The following RFNG variants were observed in gnomAD, a reference collection of about 807,000 sequenced individuals.
RFNG encodes the protein RFNG O-fucosylpeptide 3-beta-N-acetylglucosaminyltransferase, also known as beta-1,3-N-acetylglucosaminyltransferase radical fringe.
A neutral mutation model predicts 29.6 loss-of-function variants in RFNG; 37 were observed. That is an observed-to-expected ratio of 1.25 (90% CI 0.96 to 1.65). The LOEUF is 1.65. RFNG is among the 40% of genes most tolerant of loss of function. The probability of loss-of-function intolerance (pLI) is 0.00; values close to 1 mark genes in which losing one functional copy is unlikely to be tolerated. For synonymous variants in RFNG, 276 were observed against 197.3 expected (o/e 1.40, Z -3.34); for missense variants, 546 against 457.0 (o/e 1.19, Z -1.78).
rs775387401 is a variant in RFNG at position 82,049,910 on chromosome 17, C to T, written c.662+8G>A. The T allele has an allele frequency of 6.2e-7, 1 of 1,611,918 alleles. No individual in the cohort carries two copies. Among genetic ancestry groups the T allele is most frequent in the East Asian group, 2.2e-5 (1 of 44,840 alleles). On this transcript the variant is annotated splice_region_variant and intron_variant, in intron 5 of 7. Transcript: ENST00000310496. ...CCTCCCAGCCCGGGCAGCTGGACCC[C>T]CACTCACCTGGCCCATGGGCTCATC... is the stretch of plus-strand genomic sequence containing the variant.
Position 82,050,758 on chromosome 17 carries a change from C to T in RFNG, c.323G>A (p.Arg108His), listed in dbSNP as rs756341641. 50 of 1,612,666 alleles carry T rather than the reference C, an allele frequency of 3.1e-5. No individual in the cohort carries two copies. The highest frequency in any genetic ancestry group is 4.5e-5 in the East Asian group (2 of 44,888). The change falls in exon 3 of 8, where the codon CGT (arginine) becomes CAT (histidine). Residue 108 changes from arginine (R) to histidine (H), a missense_variant. Arg to His is a conservative substitution (Grantham distance 29, BLOSUM62 0). Transcript: ENST00000310496. ...CGCCGAGCAGTTGGTGTTGATGACACGGTCGCCTGCGAATCAGAGACGGGA... is the reference window on the plus strand; with the variant it reads ...CGCCGAGCAGTTGGTGTTGATGACATGGTCGCCTGCGAATCAGAGACGGGA... ...DPELELQGGD[R>H]VINTNCSAVR... is the part of the protein sequence containing the mutation.
Position 82,051,062 on chromosome 17 carries a change from A to G in RFNG, c.316+232T>C. The G allele has an allele frequency of 3.6e-6, 5 of 1,377,524 alleles. No homozygotes were observed. Among genetic ancestry groups the G allele is most frequent in the Non-Finnish European group, 4.7e-6 (5 of 1,071,152 alleles). 85.3% of individuals were successfully genotyped at this position (1,377,524 alleles called of 1,614,324 possible). ...CTGGCGCTTCTTCAGGGGACGTGGC[A>G]CTAGCCCCACGCCCCGGGAAGCGGC... On this transcript the variant is annotated intron_variant, in intron 2 of 7. Transcript: ENST00000310496. This position sits in a 1 kb window ranked among gnomAD's most constrained non-coding sequence, Gnocchi z 4.1.
At chr17:82,049,383 G>A (rs1301731567) in intron 6 of RFNG, 2 of 698,736 alleles carry the variant, frequency 2.9e-6, no homozygotes, top group Admixed American at 4.0e-5. Flanking sequence ...GATGGGACCT[G>A]TTCCGACTCA....
Position 82,051,327 on chromosome 17 carries a change from C to T in RFNG, c.283G>A (p.Asp95Asn), listed in dbSNP as rs1196198067. 9 of 1,449,536 alleles carry T rather than the reference C, an allele frequency of 6.2e-6. No individual in the cohort carries two copies. The highest frequency in any genetic ancestry group is 8.1e-6 in the Non-Finnish European group (9 of 1,106,904). 89.8% of individuals were successfully genotyped at this position (1,449,536 alleles called of 1,614,324 possible). ...RARQQTFIFT[D>N]GDDPELELQG... ...AGCTCGAGCTCAGGGTCGTCCCCGT[C>T]GGTGAAGATAAACGTCTGGGGGAGA... The change falls in exon 2 of 8, where the codon GAC becomes AAC. Residue 95 changes from aspartate (D) to asparagine (N), a missense_variant. Coordinates refer to ENST00000310496, the MANE Select transcript of RFNG (RefSeq NM_002917.2). The surrounding 1 kb of genome is among the most constrained non-coding windows in gnomAD (Gnocchi z 4.1).
rs2030502247 is a variant in RFNG, at chr17:82,051,199, GAA to G, written c.316+93_316+94del. 2 of 1,307,846 alleles carry G rather than the reference GAA, an allele frequency of 1.5e-6. No individual in the cohort carries two copies. The highest frequency in any genetic ancestry group is 3.1e-5 in the African/African-American group (2 of 64,826). 81.0% of individuals were successfully genotyped at this position (1,307,846 alleles called of 1,614,324 possible). A position where few individuals can be genotyped will look rare whatever the true frequency, so the allele number is the denominator to read the frequency against. On this transcript the variant is annotated intron_variant, in intron 2 of 7. Coordinates refer to ENST00000310496, the MANE Select transcript of RFNG (RefSeq NM_002917.2). The surrounding 1 kb of genome is among the most constrained non-coding windows in gnomAD (Gnocchi z 4.1). Reference sequence around the variant, plus strand: ...CCCGGGCCTCGGGAGCCTGGGCAGAGAAAGGCACCCACAGCAGCGAAGGGGCC... The same window carrying G: ...CCCGGGCCTCGGGAGCCTGGGCAGAGAGGCACCCACAGCAGCGAAGGGGCC...
intron 4 of RFNG, 166 bp downstream of exon 4, chr17:82,050,236 C>T (rs2030273048): frequency 1.2e-5 from 11 of 884,094 alleles, no homozygotes; most frequent in East Asian, 8.0e-5. Context: ...ACGGTGAGGG[C>T]CTCCTGGCCT....
In RFNG at chr17:82,050,678, T is replaced by G. The variant is rs764025962; in HGVS notation, c.403A>C (p.Ile135Leu). The G allele has an allele frequency of 6.2e-7, 1 of 1,613,226 alleles. No homozygotes were observed. The highest frequency in any genetic ancestry group is 1.7e-5 in the Admixed American group (1 of 60,024). ...CKMSVEYDKF[I>L]ESGRKWFCHV... ...GCCGCGTACTTGCGCCCGGACTCAATGAACTTGTCATACTCCACGGACATC... is the reference window on the plus strand; with the variant it reads ...GCCGCGTACTTGCGCCCGGACTCAAGGAACTTGTCATACTCCACGGACATC... The change falls in exon 3 of 8, where the codon ATT becomes CTT. Residue 135 changes from isoleucine (I) to leucine (L), a missense_variant. Coordinates refer to ENST00000310496, the MANE Select transcript of RFNG (RefSeq NM_002917.2).
Position 82,051,579 on chromosome 17 carries a change from G to T in RFNG, c.188C>A (p.Ala63Asp). Reference sequence around the variant, plus strand: ...GTGGTTCTTCCGGGTGGTCTTGACGGCGATGAAGACGTCGTCAGGCCGCAG... The same window carrying T: ...GTGGTTCTTCCGGGTGGTCTTGACGTCGATGAAGACGTCGTCAGGCCGCAG... ...PSLRPDDVFIAVKTTRKNHGP... is the reference protein window; with the variant it reads ...PSLRPDDVFIDVKTTRKNHGP... The change falls in exon 1 of 8, where the codon GCC becomes GAC. Residue 63 changes from alanine (A) to aspartate (D), a missense_variant. Physicochemically the swap from Ala to Asp is moderately radical, Grantham distance 126. Coordinates refer to ENST00000310496, the MANE Select transcript of RFNG (RefSeq NM_002917.2). This position sits in a 1 kb window ranked among gnomAD's most constrained non-coding sequence, Gnocchi z 4.1. 1 of 1,348,884 alleles carries T rather than the reference G, an allele frequency of 7.4e-7. No homozygotes were observed. The highest frequency in any genetic ancestry group is 1.7e-5 in the South Asian group (1 of 57,872). 83.6% of individuals were successfully genotyped at this position (1,348,884 alleles called of 1,614,324 possible). A position where few individuals can be genotyped will look rare whatever the true frequency, so the allele number is the denominator to read the frequency against.
intron 5 of RFNG, 23 bp from the exon 6 acceptor site, chr17:82,049,865 C>G: frequency 6.2e-7 from 1 of 1,611,324 alleles, no homozygotes. Context: ...CGGTCAGCAC[C>G]TTTCAGGTCT....
In RFNG at chr17:82,051,601, G is replaced by A. The variant is rs1251246898; in HGVS notation, c.166C>T (p.Arg56Trp). 38 of 1,282,966 alleles carry A rather than the reference G, an allele frequency of 3.0e-5. No homozygotes were observed. The African/African-American group carries it at 4.7e-4, about 16-fold the overall frequency. The allele number at this position is 1,282,966 out of a possible 1,614,324, so 79.5% of individuals were successfully genotyped here. ...ACGGCGATGAAGACGTCGTCAGGCCGCAGGCTGGGGGCAGCGGGCCGGGAC... is the reference window on the plus strand; with the variant it reads ...ACGGCGATGAAGACGTCGTCAGGCCACAGGCTGGGGGCAGCGGGCCGGGAC... ...PPSRPAAPSL[R>W]PDDVFIAVKT... Residue 56 changes from arginine to tryptophan, a missense_variant, in exon 1 of 8, where the codon CGG becomes TGG. Physicochemically the swap from Arg to Trp is moderately radical, Grantham distance 101. Transcript: ENST00000310496. This position sits in a 1 kb window ranked among gnomAD's most constrained non-coding sequence, Gnocchi z 4.1.
At position 82,051,557 on chromosome 17, in the gene RFNG, G is replaced by A. The variant is rs1174768339; in HGVS notation, c.210C>T (p.Asn70=). Residue 70 remains asparagine, a synonymous_variant, in exon 1 of 8, where the codon AAC becomes AAT. Coordinates refer to ENST00000310496, the MANE Select transcript of RFNG (RefSeq NM_002917.2). The surrounding 1 kb of genome is among the most constrained non-coding windows in gnomAD (Gnocchi z 4.1). ...VFIAVKTTRK[N]HGPRLRLLLR... ...GCAGCAGCCGCAGGCGCGGCCCGTG[G>A]TTCTTCCGGGTGGTCTTGACGGCGA... 1 of 1,395,226 alleles carries A rather than the reference G, an allele frequency of 7.2e-7. No homozygotes were observed. The highest frequency in any genetic ancestry group is 9.3e-7 in the Non-Finnish European group (1 of 1,070,262). The allele number at this position is 1,395,226 out of a possible 1,614,324, so 86.4% of individuals were successfully genotyped here.
chr17:82,048,903 G>T (rs868734611), intron 7 of RFNG, 96 bp from the exon 8 acceptor site: 7 of 1,425,922 alleles, frequency 4.9e-6, no homozygotes, highest in Middle Eastern at 1.9e-4. Context: ...CAGGGCCGTG[G>T]GTACAGGGAG....
Position 82,048,770 on chromosome 17 carries a change from C to T in RFNG, c.952G>A (p.Asp318Asn). The stretch of plus-strand genomic sequence containing the variant: ...CCCTGTTTCTGCCTGGGACACCAGT[C>T]CGTGTCTGGGTACAGAAGACAATGG... ...SIHCLLYPDT[D>N]WCPRQKQGAP... The change falls in exon 8 of 8, where the codon GAC (aspartate) becomes AAC (asparagine). Residue 318 changes from aspartate (D) to asparagine (N), a missense_variant. Asp to Asn is a conservative substitution (Grantham distance 23). Transcript: ENST00000310496. The T allele has an allele frequency of 6.2e-7, 1 of 1,613,268 alleles. No individual in the cohort carries two copies. Among genetic ancestry groups the T allele is most frequent in the Middle Eastern group, 1.6e-4 (1 of 6,062 alleles).
At position 82,049,688 on chromosome 17, in the gene RFNG, G is replaced by A; in HGVS notation, c.817C>T (p.Leu273=). Residue 273 remains leucine, a synonymous_variant, in exon 6 of 8, where the codon CTG becomes TTG. Transcript: ENST00000310496. ...ENLQRLPPDT[L]LQQVTLSHGG... ...AGTGGCGCCTGTACCTGCTGGAGCA[G>A]GGTGTCGGGCGGCAGCCTCTGCAGG... 6.8e-7 allele frequency: 1 copy of A among 1,472,350 alleles called. No homozygotes were observed. The highest frequency in any genetic ancestry group is 9.0e-7 in the Non-Finnish European group (1 of 1,111,578). The allele number at this position is 1,472,350 out of a possible 1,614,324, so 91.2% of individuals were successfully genotyped here.
Position 82,048,711 on chromosome 17 carries a change from T to A in RFNG, c.*15A>T. The A allele has an allele frequency of 6.2e-7, 1 of 1,608,628 alleles. No individual in the cohort carries two copies. Among genetic ancestry groups the A allele is most frequent in the Non-Finnish European group, 8.5e-7 (1 of 1,177,140 alleles). Reference sequence around the variant, plus strand: ...TGGGACAGAGCCAGGCAGCCCTGGGTCGGGGTGGTTGGTGTCACCGAGAGG... The same window carrying A: ...TGGGACAGAGCCAGGCAGCCCTGGGACGGGGTGGTTGGTGTCACCGAGAGG... On this transcript the variant is annotated 3_prime_UTR_variant, in exon 8 of 8. Coordinates refer to ENST00000310496, the MANE Select transcript of RFNG (RefSeq NM_002917.2).
Position 82,051,178 on chromosome 17 carries a change from G to A in RFNG, c.316+116C>T. ...CCTGGGCAGCGTCGGGGCCTCCCCG[G>A]GCCTCGGGAGCCTGGGCAGAGAAAG... On this transcript the variant is annotated intron_variant, in intron 2 of 7. Transcript: ENST00000310496. This position sits in a 1 kb window ranked among gnomAD's most constrained non-coding sequence, Gnocchi z 4.1. 4.6e-6 allele frequency: 6 copies of A among 1,305,576 alleles called. No homozygotes were observed. Among genetic ancestry groups the A allele is most frequent in the Non-Finnish European group, 5.9e-6 (6 of 1,024,680 alleles). 80.9% of individuals were successfully genotyped at this position (1,305,576 alleles called of 1,614,324 possible).
chr17:82,048,887 T>C (rs1263007356), intron 7 of RFNG, 80 bp from the exon 8 acceptor site: 8 of 1,434,144 alleles, frequency 5.6e-6, no homozygotes, highest in Non-Finnish European at 7.7e-6. Context: ...CGGGAGAACC[T>C]GGGGTCAGGG....
Position 82,051,207 on chromosome 17 carries a change from C to G in RFNG, c.316+87G>C, listed in dbSNP as rs2030503904. On this transcript the variant is annotated intron_variant, in intron 2 of 7. Coordinates refer to ENST00000310496, the MANE Select transcript of RFNG (RefSeq NM_002917.2). The surrounding 1 kb of genome is among the most constrained non-coding windows in gnomAD (Gnocchi z 4.1). ...TCGGGAGCCTGGGCAGAGAAAGGCA[C>G]CCACAGCAGCGAAGGGGCCGTGGCT... The G allele has an allele frequency of 1.5e-6, 2 of 1,305,378 alleles. No individual in the cohort carries two copies. The highest frequency in any genetic ancestry group is 1.5e-5 in the African/African-American group (1 of 64,856). 80.9% of individuals were successfully genotyped at this position (1,305,378 alleles called of 1,614,324 possible).
At chr17:82,048,855 CG>C in intron 7 of RFNG, 48 bp from the exon 8 acceptor site, 1 of 1,551,892 alleles carries the variant, frequency 6.4e-7, no homozygotes. Context: ...GAGAGAGAAG[CG>C]GGGGCCAGGG....
Sources: allele counts gnomAD v4.1 joint callset, GRCh38; gene constraint gnomAD v4.1.1; non-coding constraint Gnocchi (gnomAD v3.1); transcripts MANE v1.5; gene names NCBI Gene and HGNC (gene_info 2026-07-23, HGNC 2026-07-21).